IL19: variants seen among roughly 807,000 people sequenced by gnomAD.
The protein encoded by IL19 is interleukin-19.
Under a neutral mutation model 19.5 loss-of-function variants are expected in IL19, and 15 were observed. The observed-to-expected ratio is 0.77, with a 90% CI of 0.52 to 1.19. The LOEUF (loss-of-function observed/expected upper bound fraction) is 1.19. IL19 is among the 50% of genes most tolerant of loss of function. IL19 has a pLI of 0.00. For missense variants in IL19, 199 were observed against 213.1 expected (o/e 0.93, Z 0.41); for synonymous variants, 78 against 78.3 (o/e 1.00, Z 0.02).
At chr1:206,811,395 G>A (rs1295217371) in intron 2 of IL19, among the ~76,000 whole-genome samples, 1 of 143,514 alleles carries the variant, frequency 7.0e-6, no homozygotes, top group Non-Finnish European at 1.5e-5. Flanking sequence ...AGTGAGCCGA[G>A]ATCTCGCCAC....
At chr1:206,813,267 G>A (rs1676064703) in intron 2 of IL19, among the ~76,000 whole-genome samples, 1 of 152,188 alleles carries the variant, frequency 6.6e-6, no homozygotes, top group African/African-American at 2.4e-5. Context: ...CAAAGCTGGA[G>A]GCAGAAAAAG....
intron 1 of IL19, among the ~76,000 whole-genome samples, chr1:206,790,936 A>C (rs936001612): frequency 1.3e-5 from 2 of 152,198 alleles, no homozygotes; most frequent in African/African-American, 4.8e-5. Context: ...GGATGACATG[A>C]TAGATGACCT....
chr1:206,778,899 C>G (rs1675069389), intron 1 of IL19, among the ~76,000 whole-genome samples: 1 of 152,236 alleles, frequency 6.6e-6, no homozygotes, highest in Non-Finnish European at 1.5e-5. Flanking sequence ...ACTGATTTGT[C>G]TCCATTTCCA....
chr1:206,826,848 A>G (rs1260183423), intron 2 of IL19, among the ~76,000 whole-genome samples: 2 of 152,142 alleles, frequency 1.3e-5, no homozygotes, highest in Non-Finnish European at 2.9e-5. Context: ...CTGTTTCTAT[A>G]GGGAGGAAGT....
chr1:206,809,024 GT>G (rs1163499108), intron 2 of IL19, among the ~76,000 whole-genome samples: 2 of 152,200 alleles, frequency 1.3e-5, no homozygotes, highest in Non-Finnish European at 2.9e-5. Flanking sequence ...AGCAGGTCTT[GT>G]TTAGGGAGAG....
chr1:206,802,692 T>C (rs1159204274), intron 2 of IL19, among the ~76,000 whole-genome samples: 5 of 151,892 alleles, frequency 3.3e-5, no homozygotes, highest in African/African-American at 1.2e-4. Flanking sequence ...TTTTTTGCCA[T>C]GGGCAAGTTC....
At chr1:206,835,461 G>C (rs1463216800) in intron 2 of IL19, among the ~76,000 whole-genome samples, 9 of 152,246 alleles carry the variant, frequency 5.9e-5, no homozygotes, top group African/African-American at 2.2e-4. Flanking sequence ...TTCTAAACAG[G>C]ATTTGCTGTT....
chr1:206,826,343 A>G (rs1455339192), intron 2 of IL19, among the ~76,000 whole-genome samples: 1 of 152,190 alleles, frequency 6.6e-6, no homozygotes, highest in African/African-American at 2.4e-5. Flanking sequence ...CCAGGGCAGA[A>G]AATCCTCTAG....
chr1:206,788,132 T>G (rs1021008264), intron 1 of IL19, among the ~76,000 whole-genome samples: 1 of 152,166 alleles, frequency 6.6e-6, no homozygotes, highest in Non-Finnish European at 1.5e-5. Flanking sequence ...AGCAATCTTA[T>G]CTGTTGTGTG....
intron 1 of IL19, among the ~76,000 whole-genome samples, chr1:206,795,462 C>T (rs1417039799): frequency 1.3e-5 from 2 of 152,160 alleles, no homozygotes; most frequent in Non-Finnish European, 2.9e-5. Context: ...GATTGGATGC[C>T]TCAAGAGCCT....
At chr1:206,831,690 T>C (rs74750231) in intron 2 of IL19, among the ~76,000 whole-genome samples, 3 of 152,310 alleles carry the variant, frequency 2.0e-5, no homozygotes, top group Non-Finnish European at 4.4e-5. Context: ...GAACGTGCAG[T>C]AGGCATGATG....
At chr1:206,784,591 C>T (rs1038053227) in intron 1 of IL19, among the ~76,000 whole-genome samples, 3 of 152,172 alleles carry the variant, frequency 2.0e-5, no homozygotes, top group Admixed American at 6.5e-5. Context: ...CTGCTGAGAG[C>T]AGTGGAAATC....
intron 1 of IL19, 158 bp downstream of exon 1, chr1:206,771,236 C>T: frequency 1.7e-6 from 2 of 1,164,254 alleles, no homozygotes; most frequent in Non-Finnish European, 2.6e-6. Flanking sequence ...GAGTTAACAT[C>T]TTCCCACTTC....
chr1:206,826,820 C>A (rs1449447464), intron 2 of IL19, among the ~76,000 whole-genome samples: 2 of 152,156 alleles, frequency 1.3e-5, no homozygotes, highest in Non-Finnish European at 2.9e-5. Context: ...TGTTCCTTTG[C>A]TTGGAGGGAA....
At chr1:206,773,548 C>T (rs1674914908) in intron 1 of IL19, among the ~76,000 whole-genome samples, 1 of 151,794 alleles carries the variant, frequency 6.6e-6, no homozygotes, top group Non-Finnish European at 1.5e-5. Context: ...ATCCCTACTT[C>T]CCCTTCCCAA....
At chr1:206,839,828 T>C (rs775320541) in intron 4 of IL19, 22 bp from the exon 5 acceptor site, 1 of 1,595,522 alleles carries the variant, frequency 6.3e-7, no homozygotes, top group Non-Finnish European at 8.5e-7. Flanking sequence ...GCCTCTAGTG[T>C]TTCCCTAATT....
At chr1:206,833,337 C>A (rs1014634607) in intron 2 of IL19, among the ~76,000 whole-genome samples, 1 of 152,216 alleles carries the variant, frequency 6.6e-6, no homozygotes, top group African/African-American at 2.4e-5. Context: ...CTTCCTTATA[C>A]GCTGGCTAAA....
intron 2 of IL19, among the ~76,000 whole-genome samples, chr1:206,807,137 A>C (rs1270694733): frequency 6.6e-6 from 1 of 152,280 alleles, no homozygotes; most frequent in Non-Finnish European, 1.5e-5. Flanking sequence ...AGCAGATCTC[A>C]TGAGAACTCA....
intron 1 of IL19, among the ~76,000 whole-genome samples, chr1:206,796,073 G>A (rs1572552292): frequency 6.6e-6 from 1 of 152,068 alleles, no homozygotes; most frequent in South Asian, 2.1e-4. Flanking sequence ...TAGTTCGAAG[G>A]CCAGTTGGAG....
Sources: allele counts gnomAD v4.1 joint callset (sites outside exome capture counted in the v4.1 genomes callset), GRCh38; gene constraint gnomAD v4.1.1; transcripts MANE v1.5; gene names NCBI Gene and HGNC (gene_info 2026-07-23, HGNC 2026-07-21).